The following MGAT4C variants were observed in gnomAD, a reference collection of about 807,000 sequenced individuals.
The protein encoded by MGAT4C is alpha-1,3-mannosyl-glycoprotein 4-beta-N-acetylglucosaminyltransferase C.
A neutral mutation model predicts 40.1 loss-of-function variants in MGAT4C; 19 were observed. The ratio of observed to expected loss-of-function variants is 0.47; its 90% CI spans 0.33 to 0.70. MGAT4C has a LOEUF of 0.70. MGAT4C is among the 30% of genes least tolerant of loss of function. The probability of loss-of-function intolerance (pLI) is 0.02; values close to 1 mark genes in which losing one functional copy is unlikely to be tolerated. For synonymous variants in MGAT4C, 181 were observed against 187.1 expected, an observed-to-expected ratio of 0.97 and a Z score of 0.27; for missense variants, 491 against 563.2, an observed-to-expected ratio of 0.87 and a Z score of 1.30.
intron 1 of MGAT4C, among the ~76,000 whole-genome samples, chr12:86,164,218 G>A (rs763176220): frequency 1.3e-5 from 2 of 152,156 alleles, no homozygotes; most frequent in Non-Finnish European, 2.9e-5. Context: ...AGAGACTTAT[G>A]TCTACCAGGC....
chr12:86,227,248 T>A (rs1445281611), intron 1 of MGAT4C, among the ~76,000 whole-genome samples: 1 of 151,770 alleles, frequency 6.6e-6, no homozygotes, highest in African/African-American at 2.4e-5. Context: ...TCCTCATTTT[T>A]AAAACTTCCA....
intron 1 of MGAT4C, among the ~76,000 whole-genome samples, chr12:86,172,335 T>C (rs1190630447): frequency 2.6e-5 from 4 of 152,186 alleles, no homozygotes; most frequent in African/African-American, 9.6e-5. Flanking sequence ...GTCAAACTAA[T>C]ATACTGAAAA....
At chr12:86,679,698 G>A (rs1461023567) in intron 2 of MGAT4C, among the ~76,000 whole-genome samples, 1 of 151,954 alleles carries the variant, frequency 6.6e-6, no homozygotes, top group Non-Finnish European at 1.5e-5. Context: ...TACCATGTGA[G>A]GACACAGCAA....
At chr12:86,575,338 C>T (rs148301159) in intron 2 of MGAT4C, among the ~76,000 whole-genome samples, 7 of 151,912 alleles carry the variant, frequency 4.6e-5, no homozygotes, top group African/African-American at 1.4e-4. Context: ...ACCCATTAAA[C>T]ATCCTTACTT....
chr12:85,980,317 C>T lies in MGAT4C; in HGVS notation c.409G>A (p.Val137Met). 1.9e-6 allele frequency: 3 copies of T among 1,613,936 alleles called. No homozygotes were observed. Among genetic ancestry groups the T allele is most frequent in the Non-Finnish European group, 2.5e-6 (3 of 1,179,894 alleles). Residue 137 changes from valine to methionine, a missense_variant, in exon 5 of 5, where the codon GTG becomes ATG. Physicochemically the swap from Val to Met is conservative, Grantham distance 21. Transcript: ENST00000611864. ...SSYEELKEIS[V>M]VVHLADFNSS... ...TTAAAGTCTGCTAGGTGAACCACCA[C>T]TGAAATTTCCTTCAGCTCTTCATAG...
At chr12:86,806,934 A>T (rs1328687652) in intron 1 of MGAT4C, among the ~76,000 whole-genome samples, 5 of 151,956 alleles carry the variant, frequency 3.3e-5, no homozygotes, top group Admixed American at 3.3e-4. Flanking sequence ...GCAGCATACC[A>T]ACATGGCACA....
At chr12:86,763,505 A>C (rs1951441630) in intron 1 of MGAT4C, among the ~76,000 whole-genome samples, 1 of 152,210 alleles carries the variant, frequency 6.6e-6, no homozygotes, top group Non-Finnish European at 1.5e-5. Context: ...TTTATAAACA[A>C]CTAGAAAGCA....
intron 1 of MGAT4C, among the ~76,000 whole-genome samples, chr12:86,210,767 T>A (rs1950429696): frequency 6.6e-6 from 1 of 152,188 alleles, no homozygotes; most frequent in Non-Finnish European, 1.5e-5. Context: ...TACTCAAGAG[T>A]GACACATATT....
intron 2 of MGAT4C, among the ~76,000 whole-genome samples, chr12:86,704,047 T>C (rs1013314578): frequency 1.3e-5 from 2 of 152,114 alleles, no homozygotes; most frequent in Non-Finnish European, 2.9e-5. Context: ...ATAGCAAATA[T>C]GTAATAGTAA....
chr12:86,522,927 T>A (rs933297011), intron 2 of MGAT4C, among the ~76,000 whole-genome samples: 3 of 152,172 alleles, frequency 2.0e-5, no homozygotes, highest in African/African-American at 7.2e-5. Context: ...TTATTTGTAT[T>A]TCAGTTAGGT....
intron 2 of MGAT4C, among the ~76,000 whole-genome samples, chr12:86,685,709 A>T (rs1950060779): frequency 6.6e-6 from 1 of 152,044 alleles, no homozygotes; most frequent in African/African-American, 2.4e-5. Flanking sequence ...TATTTCTTTG[A>T]GCAGTGGTTT....
intron 2 of MGAT4C, among the ~76,000 whole-genome samples, chr12:86,526,442 G>T (rs1165371726): frequency 6.6e-6 from 1 of 152,194 alleles, no homozygotes; most frequent in Non-Finnish European, 1.5e-5. Context: ...GCTGCAGTGT[G>T]AGGACAGAGC....
In MGAT4C at chr12:85,979,241, C is replaced by T. The variant is rs376457265; in HGVS notation, c.*48G>A. The T allele has an allele frequency of 5.4e-5, 77 of 1,430,802 alleles. No homozygotes were observed. Among genetic ancestry groups the T allele is most frequent in the South Asian group, 1.3e-4 (9 of 70,116 alleles). The allele number at this position is 1,430,802 out of a possible 1,614,324, so 88.6% of individuals were successfully genotyped here. A position where few individuals can be genotyped will look rare whatever the true frequency, so the allele number is the denominator to read the frequency against. ...TCCAAAAGACAAAGGTAGCAAAAGACGAAGCAGGAAGAACTGCTTCAGAAA... is the reference window on the plus strand; with the variant it reads ...TCCAAAAGACAAAGGTAGCAAAAGATGAAGCAGGAAGAACTGCTTCAGAAA... On this transcript the variant is annotated 3_prime_UTR_variant, in exon 5 of 5. Coordinates refer to ENST00000611864, the MANE Select transcript of MGAT4C (RefSeq NM_001351288.2).
chr12:86,714,181 A>G (rs923627452), intron 2 of MGAT4C, among the ~76,000 whole-genome samples: 1 of 152,182 alleles, frequency 6.6e-6, no homozygotes, highest in Admixed American at 6.6e-5. Context: ...GACAGAGAGA[A>G]AATACTTCAG....
chr12:85,976,131 A>G lies in MGAT4C; in HGVS notation c.*3158T>C, dbSNP rs903479667. 7.3e-5 allele frequency: 11 copies of G among 151,074 alleles called. No homozygotes were observed. The highest frequency in any genetic ancestry group is 3.4e-3 in the Middle Eastern group (1 of 294). 9.4% of individuals were successfully genotyped at this position (151,074 alleles called of 1,614,324 possible). A position where few individuals can be genotyped will look rare whatever the true frequency, so the allele number is the denominator to read the frequency against. ...AATTATTATACAGAACAGTTTTTCT[A>G]TGATAGCATTATAAAAATTCCCAGA... On this transcript the variant is annotated 3_prime_UTR_variant, in exon 5 of 5. Transcript: ENST00000611864.
intron 4 of MGAT4C, among the ~76,000 whole-genome samples, chr12:86,312,304 A>G (rs985922275): frequency 3.3e-5 from 5 of 152,226 alleles, no homozygotes; most frequent in African/African-American, 4.8e-5. Context: ...AGGCAATTCT[A>G]TTTAGAAGCC....
chr12:86,006,246 C>T (rs932345775), intron 2 of MGAT4C, among the ~76,000 whole-genome samples: 1 of 152,052 alleles, frequency 6.6e-6, no homozygotes, highest in African/African-American at 2.4e-5. Context: ...CGCTGCCATC[C>T]CCACTTCCCT....
At chr12:86,326,419 T>C (rs535233655) in intron 4 of MGAT4C, among the ~76,000 whole-genome samples, 1 of 152,080 alleles carries the variant, frequency 6.6e-6, no homozygotes, top group Non-Finnish European at 1.5e-5. Context: ...AACATCACAG[T>C]GTACACGATT....
intron 3 of MGAT4C, among the ~76,000 whole-genome samples, chr12:86,432,299 C>CA (rs1287167436): frequency 6.6e-6 from 1 of 151,756 alleles, no homozygotes. Context: ...CAAACAAACA[C>CA]AAAAAAACCT....
Sources: gnomAD v4.1 joint callset for allele counts (sites outside exome capture counted in the v4.1 genomes callset) on GRCh38, gnomAD v4.1.1 for gene constraint, MANE v1.5 for transcripts, NCBI Gene and HGNC (gene_info 2026-07-23, HGNC 2026-07-21) for gene names.